Variants in CACNA2D3 observed in about 807,000 individuals in gnomAD.
The protein encoded by CACNA2D3 is calcium voltage-gated channel auxiliary subunit alpha2delta 3.
Under a neutral mutation model 160.6 loss-of-function variants are expected in CACNA2D3, and 60 were observed. That is an observed-to-expected ratio of 0.37 (90% CI 0.30 to 0.46). CACNA2D3 has a LOEUF of 0.46. Among genes scored for constraint, CACNA2D3 ranks in the 20% least tolerant of loss-of-function variants. The probability of loss-of-function intolerance (pLI) is 1.00; values close to 1 mark genes in which losing one functional copy is unlikely to be tolerated. For synonymous variants in CACNA2D3, 558 were observed against 492.9 expected (o/e 1.13, Z -1.75); for missense variants, 1,205 against 1,365.0 (o/e 0.88, Z 1.85).
intron 9 of CACNA2D3, among the ~76,000 whole-genome samples, chr3:54,617,683 G>T (rs1698884094): frequency 1.3e-5 from 2 of 152,132 alleles, no homozygotes; most frequent in South Asian, 4.1e-4. Context: ...AGTTAATTGG[G>T]CATCCTATAT....
At chr3:54,782,396 A>G (rs1702553221) in intron 13 of CACNA2D3, among the ~76,000 whole-genome samples, 1 of 152,214 alleles carries the variant, frequency 6.6e-6, no homozygotes, top group South Asian at 2.1e-4. Context: ...GTTTAGCACT[A>G]TGCCACGCCT....
At chr3:54,457,778 T>C (rs1700425448) in intron 4 of CACNA2D3, among the ~76,000 whole-genome samples, 1 of 152,102 alleles carries the variant, frequency 6.6e-6, no homozygotes, top group South Asian at 2.1e-4. Context: ...TGGGTACATA[T>C]ATATTTACAA....
At chr3:55,002,358 A>T (rs576616253) in intron 31 of CACNA2D3, among the ~76,000 whole-genome samples, 1 of 152,260 alleles carries the variant, frequency 6.6e-6, no homozygotes, top group African/African-American at 2.4e-5. Context: ...GTCAATACCA[A>T]TTCTTGCCAA....
At chr3:54,585,011 A>G (rs73841673) in intron 9 of CACNA2D3, among the ~76,000 whole-genome samples, 3,584 of 152,326 alleles carry the variant, frequency 0.024, 131 homozygotes, top group African/African-American at 0.081. Flanking sequence ...CCCTTAAATA[A>G]TGTCTAAAGG....
chr3:54,206,254 A>G (rs1434268435), intron 2 of CACNA2D3, among the ~76,000 whole-genome samples: 2 of 152,194 alleles, frequency 1.3e-5, no homozygotes, highest in Non-Finnish European at 2.9e-5. Flanking sequence ...AATTCTGAAC[A>G]ATGACAGTGC....
intron 35 of CACNA2D3, among the ~76,000 whole-genome samples, chr3:55,042,527 C>CTG (rs1203594525): frequency 6.6e-6 from 1 of 152,094 alleles, no homozygotes; most frequent in Non-Finnish European, 1.5e-5. Flanking sequence ...TTCCACTTAT[C>CTG]TGTGTCTTTG....
intron 5 of CACNA2D3, among the ~76,000 whole-genome samples, chr3:54,517,375 G>A (rs2106978056): frequency 6.6e-6 from 1 of 152,326 alleles, no homozygotes; most frequent in Admixed American, 6.5e-5. Context: ...AGCACAGGCT[G>A]ACCTCAGCTA....
At position 54,433,385 on chromosome 3, in the gene CACNA2D3, G is replaced by C. The variant is rs933982452; in HGVS notation, c.381+46611G>C. ...AATACATGAATGTATTCTGGAAATA[G>C]AGCTTTCATCTTCAGATATGTCTGT... On this transcript the variant is annotated intron_variant, in intron 4 of 37. Coordinates refer to ENST00000474759, the MANE Select transcript of CACNA2D3 (RefSeq NM_018398.3). Among the ~76,000 whole-genome samples, 11 of 152,314 alleles carry C rather than the reference G, an allele frequency of 7.2e-5. No individual in the cohort carries two copies. In the South Asian group the frequency reaches 2.3e-3, roughly 32 times the overall value.
intron 31 of CACNA2D3, among the ~76,000 whole-genome samples, chr3:55,002,783 A>AG (rs1410947225): frequency 6.6e-6 from 1 of 152,144 alleles, no homozygotes; most frequent in African/African-American, 2.4e-5. Flanking sequence ...GCTGCTGGTT[A>AG]GGAGCTGGCT....
intron 27 of CACNA2D3, chr3:54,924,768 G>A (rs149325578): frequency 7.4e-6 from 12 of 1,613,972 alleles, no homozygotes; most frequent in Middle Eastern, 1.6e-4. Context: ...TTGTTGAACC[G>A]CAAGTATAGT....
chr3:54,733,277 C>G (rs531257578), intron 11 of CACNA2D3, among the ~76,000 whole-genome samples: 5 of 152,302 alleles, frequency 3.3e-5, no homozygotes, highest in Admixed American at 2.6e-4. Flanking sequence ...GAGTTACCCA[C>G]GTCACTTGGC....
At chr3:54,761,350 A>G (rs1184079567) in intron 12 of CACNA2D3, among the ~76,000 whole-genome samples, 1 of 152,030 alleles carries the variant, frequency 6.6e-6, no homozygotes, top group Admixed American at 6.6e-5. Context: ...CCATGGTAGC[A>G]CCCCTCTTAG....
chr3:54,197,502 T>G (rs971032251), intron 2 of CACNA2D3: 3 of 152,240 alleles, frequency 2.0e-5, no homozygotes, highest in African/African-American at 7.2e-5. Flanking sequence ...GCAGAACTTA[T>G]TCGAAGTGAG....
intron 2 of CACNA2D3, among the ~76,000 whole-genome samples, chr3:54,264,067 A>G (rs1702455930): frequency 6.6e-6 from 1 of 152,152 alleles, no homozygotes; most frequent in Admixed American, 6.5e-5. Flanking sequence ...CTTGAATGCC[A>G]GTGTTTTATC....
At chr3:54,847,876 AG>A (rs1290881936) in intron 17 of CACNA2D3, among the ~76,000 whole-genome samples, 2 of 113,998 alleles carry the variant, frequency 1.8e-5, no homozygotes, top group Non-Finnish European at 3.7e-5. Flanking sequence ...TTTGCGTGAC[AG>A]AGTTTGGACT....
intron 11 of CACNA2D3, among the ~76,000 whole-genome samples, chr3:54,723,074 T>C (rs1701202448): frequency 6.6e-6 from 1 of 152,176 alleles, no homozygotes. Context: ...TGCTGCCTTT[T>C]TTTCAGAGAT....
At chr3:54,784,183 C>A in intron 13 of CACNA2D3, among the ~76,000 whole-genome samples, 1 of 152,170 alleles carries the variant, frequency 6.6e-6, no homozygotes, top group East Asian at 1.9e-4. Flanking sequence ...CTCAGTTGAA[C>A]AAGCCAAGGT....
intron 13 of CACNA2D3, among the ~76,000 whole-genome samples, chr3:54,808,262 C>T (rs1166243616): frequency 6.6e-6 from 1 of 151,848 alleles, no homozygotes; most frequent in Non-Finnish European, 1.5e-5. Context: ...CCAGATGCCC[C>T]AATAGCTTAT....
Position 54,518,616 on chromosome 3 carries a change from C to G in CACNA2D3, c.544+14962C>G, listed in dbSNP as rs1701593974. ...TTGATAACCTGATTCCAGAAATGCT[C>G]TCTGCTTATCCTGACACATTTTATT... On this transcript the variant is annotated intron_variant, in intron 5 of 37. Coordinates refer to ENST00000474759, the MANE Select transcript of CACNA2D3 (RefSeq NM_018398.3). Among the ~76,000 whole-genome samples the G allele has an allele frequency of 3.3e-5, 5 of 152,234 alleles. No homozygotes were observed. The South Asian group carries it at 1.0e-3, about 32-fold the overall frequency.
Sources: allele counts gnomAD v4.1 joint callset (sites outside exome capture counted in the v4.1 genomes callset), GRCh38; gene constraint gnomAD v4.1.1; transcripts MANE v1.5; gene names NCBI Gene and HGNC (gene_info 2026-07-23, HGNC 2026-07-21).